Variants in LRP1 observed in about 807,000 individuals in gnomAD.
The protein encoded by LRP1 is prolow-density lipoprotein receptor-related protein 1.
LRP1 carries 51 observed loss-of-function variants against 541.5 expected under a neutral mutation model. That is an observed-to-expected ratio of 0.09 (90% CI 0.08 to 0.12). The LOEUF (loss-of-function observed/expected upper bound fraction) is 0.12, where lower values mean the gene tolerates loss of function less well. Ranked by LOEUF, LRP1 falls within the 10% of genes least tolerant of loss-of-function variation. LRP1 has a pLI of 1.00. For synonymous variants in LRP1, 2,219 were observed against 2,470.8 expected, an observed-to-expected ratio of 0.90 and a Z score of 3.02; for missense variants, 3,878 against 6,376.2, an observed-to-expected ratio of 0.61 and a Z score of 13.34.
chr12:57,175,985 C>G lies in LRP1; in HGVS notation c.3870C>G (p.Ser1290Arg). 1 of 1,614,250 alleles carries G rather than the reference C, an allele frequency of 6.2e-7. No homozygotes were observed. The highest frequency in any genetic ancestry group is 8.5e-7 in the Non-Finnish European group (1 of 1,180,050). ...RRIDLHKGDY[S>R]VLVPGLRNTI... The stretch of plus-strand genomic sequence containing the variant: ...TCGATCTTCACAAAGGAGACTACAG[C>G]GTCCTGGTGCCCGGCCTGCGCAACA... The change falls in exon 24 of 89, where the codon AGC (serine) becomes AGG (arginine). Residue 1290 changes from serine (S) to arginine (R), a missense_variant. Transcript: ENST00000243077.
chr12:57,201,797 G>C lies in LRP1; in HGVS notation c.10486G>C (p.Val3496Leu). Residue 3496 changes from valine (V) to leucine (L), a missense_variant, in exon 67 of 89, where the codon GTG becomes CTG. Val to Leu is a conservative substitution (Grantham distance 32). This residue lies in a region of LRP1 where 278 missense variants were observed against 536.3 expected (regional missense o/e 0.52). Coordinates refer to ENST00000243077, the MANE Select transcript of LRP1 (RefSeq NM_002332.3). The surrounding 1 kb of genome is among the most constrained non-coding windows in gnomAD (Gnocchi z 6.4). ...PANCTQMTCG[V>L]DEFRCKDSGR... is the part of the protein sequence containing the mutation. ...GCTTGCAGCCCAGATGACCTGTGGT[G>C]TGGACGAGTTCCGCTGCAAGGATTC... is the stretch of plus-strand genomic sequence containing the variant. 1 of 1,614,086 alleles carries C rather than the reference G, an allele frequency of 6.2e-7. No individual in the cohort carries two copies. The highest frequency in any genetic ancestry group is 8.5e-7 in the Non-Finnish European group (1 of 1,180,010).
chr12:57,154,118 CT>C lies in LRP1; in HGVS notation c.842-88del. 7.9e-7 allele frequency: 1 copy of C among 1,271,304 alleles called. No homozygotes were observed. Among genetic ancestry groups the C allele is most frequent in the Non-Finnish European group, 1.1e-6 (1 of 890,768 alleles). 78.8% of individuals were successfully genotyped at this position (1,271,304 alleles called of 1,614,324 possible). A position where few individuals can be genotyped will look rare whatever the true frequency, so the allele number is the denominator to read the frequency against. On this transcript the variant is annotated intron_variant, in intron 6 of 88. Coordinates refer to ENST00000243077, the MANE Select transcript of LRP1 (RefSeq NM_002332.3). This position sits in a 1 kb window ranked among gnomAD's most constrained non-coding sequence, Gnocchi z 4.6. The stretch of plus-strand genomic sequence containing the variant: ...TGGGAGGGCGTCCAGAGAAGGTGGG[CT>C]TCCAGGTGTGGGTTCTCACCAGCAA...
chr12:57,177,655 C>A lies in LRP1; in HGVS notation c.4361+64C>A. 1.3e-6 allele frequency: 2 copies of A among 1,567,380 alleles called. No individual in the cohort carries two copies. The highest frequency in any genetic ancestry group is 1.7e-6 in the Non-Finnish European group (2 of 1,147,814). Reference sequence around the variant, plus strand: ...GGCACCAGGACGGGGTGGGGAGGAACCTGTGGTGATGAGGGTGATGAGAAG... The same window carrying A: ...GGCACCAGGACGGGGTGGGGAGGAAACTGTGGTGATGAGGGTGATGAGAAG... On this transcript the variant is annotated intron_variant, in intron 26 of 88. Coordinates refer to ENST00000243077, the MANE Select transcript of LRP1 (RefSeq NM_002332.3). This position sits in a 1 kb window ranked among gnomAD's most constrained non-coding sequence, Gnocchi z 6.8.
chr12:57,131,015 A>C (rs2035027376), intron 1 of LRP1, among the ~76,000 whole-genome samples: 1 of 152,170 alleles, frequency 6.6e-6, no homozygotes, highest in Non-Finnish European at 1.5e-5. Context: ...AATTGCATAG[A>C]AATGTAAGTT....
chr12:57,207,916 T>C, intron 76 of LRP1, 122 bp from the exon 77 acceptor site: 1 of 1,131,612 alleles, frequency 8.8e-7, no homozygotes, highest in Non-Finnish European at 1.3e-6. Flanking sequence ...GTTGAATCTC[T>C]TTAAAGCCAG....
At chr12:57,200,172 C>A in intron 62 of LRP1, 147 bp downstream of exon 62, 1 of 686,340 alleles carries the variant, frequency 1.5e-6, no homozygotes, top group Non-Finnish European at 2.5e-6. Context: ...TACCTCTTGT[C>A]TCCCCACAGC....
At chr12:57,169,074 G>A (rs1565730200) in intron 19 of LRP1, 66 bp from the exon 20 acceptor site, 4 of 1,470,432 alleles carry the variant, frequency 2.7e-6, no homozygotes, top group Non-Finnish European at 2.8e-6. Context: ...GGCCCAAGCT[G>A]GGATCACAGA....
intron 15 of LRP1, 140 bp downstream of exon 15, chr12:57,163,123 G>A: frequency 1.6e-6 from 2 of 1,262,726 alleles, no homozygotes; most frequent in Non-Finnish European, 2.1e-6. Context: ...CAGGAAGCAA[G>A]GGAGGGGGAG....
Position 57,162,791 on chromosome 12 carries a change from CT to C in LRP1, c.2405-66del, listed in dbSNP as rs897570071. 15 of 1,514,744 alleles carry C rather than the reference CT, an allele frequency of 9.9e-6. No homozygotes were observed. Among genetic ancestry groups the C allele is most frequent in the Middle Eastern group, 1.7e-4 (1 of 5,880 alleles). 93.8% of individuals were successfully genotyped at this position (1,514,744 alleles called of 1,614,324 possible). On this transcript the variant is annotated intron_variant, in intron 14 of 88. Transcript: ENST00000243077. This position sits in a 1 kb window ranked among gnomAD's most constrained non-coding sequence, Gnocchi z 5.2. The stretch of plus-strand genomic sequence containing the variant: ...CCCACATCTTAATGTGTCTCCTCCC[CT>C]ATCCCTTCTCTGACCTCTCCTCACC...
chr12:57,185,482 G>T lies in LRP1; in HGVS notation c.6464-49G>T. ...AAGCCTGGATGACAAAGGCACCAGT[G>T]AGCCTTTCCCAAGGCAGGCCCTGCC... On this transcript the variant is annotated intron_variant, in intron 40 of 88. Coordinates refer to ENST00000243077, the MANE Select transcript of LRP1 (RefSeq NM_002332.3). The surrounding 1 kb of genome is among the most constrained non-coding windows in gnomAD (Gnocchi z 4.9). 6.6e-7 allele frequency: 1 copy of T among 1,522,306 alleles called. No individual in the cohort carries two copies. Among genetic ancestry groups the T allele is most frequent in the Non-Finnish European group, 8.8e-7 (1 of 1,138,612 alleles). 94.3% of individuals were successfully genotyped at this position (1,522,306 alleles called of 1,614,324 possible).
Position 57,138,570 on chromosome 12 carries a change from C to A in LRP1, c.179C>A (p.Ala60Asp). ...GACTGCCCAGACGGATCTGACGAGG[C>A]CCCTGAGATTTGTAAGTACCTTTTC... is the stretch of plus-strand genomic sequence containing the variant. ...ERDCPDGSDE[A>D]PEICPQSKAQ... Residue 60 changes from alanine (A) to aspartate (D), a missense_variant, in exon 2 of 89, where the codon GCC becomes GAC. Transcript: ENST00000243077. 6.2e-7 allele frequency: 1 copy of A among 1,613,962 alleles called. No individual in the cohort carries two copies.
At chr12:57,194,548 A>C in intron 49 of LRP1, 29 bp from the exon 50 acceptor site, 1 of 1,612,486 alleles carries the variant, frequency 6.2e-7, no homozygotes, top group Non-Finnish European at 8.5e-7. Context: ...TGCGGTGAGC[A>C]GGGCCCTCAC....
Position 57,158,500 on chromosome 12 carries a change from C to A in LRP1, c.1660C>A (p.Pro554Thr). ...CAAGGTCCCGGATGAGCACATGATC[C>A]CCATTGAAAACCTCATGAACCCCCG... ...GAKVPDEHMI[P>T]IENLMNPRAL... Residue 554 changes from proline (P) to threonine (T), a missense_variant, in exon 11 of 89, where the codon CCC (proline) becomes ACC (threonine). Physicochemically the swap from Pro to Thr is conservative, Grantham distance 38. Around this residue, in one of 13 missense-constraint regions of LRP1, gnomAD observed 496 missense variants for 861.0 expected, o/e 0.58. Transcript: ENST00000243077. This position sits in a 1 kb window ranked among gnomAD's most constrained non-coding sequence, Gnocchi z 5.3. 6.2e-7 allele frequency: 1 copy of A among 1,614,182 alleles called. No homozygotes were observed. Among genetic ancestry groups the A allele is most frequent in the Non-Finnish European group, 8.5e-7 (1 of 1,179,998 alleles).
In LRP1 at chr12:57,206,268, G is replaced by C. The variant is rs2036776977; in HGVS notation, c.11591-205G>C. On this transcript the variant is annotated intron_variant, in intron 75 of 88. Coordinates refer to ENST00000243077, the MANE Select transcript of LRP1 (RefSeq NM_002332.3). This position sits in a 1 kb window ranked among gnomAD's most constrained non-coding sequence, Gnocchi z 4.7. ...TTCTGACTGAAAGGAGCGGGTCACA[G>C]TGGATCAGCTCAGGGGAGGAGAGGA... Among the ~76,000 whole-genome samples, 1 of 152,256 alleles carries C rather than the reference G, an allele frequency of 6.6e-6. No individual in the cohort carries two copies. Among genetic ancestry groups the C allele is most frequent in the Admixed American group, 6.5e-5 (1 of 15,292 alleles).
At chr12:57,187,539 G>A in intron 42 of LRP1, 83 bp downstream of exon 42, 2 of 1,400,296 alleles carry the variant, frequency 1.4e-6, no homozygotes, top group East Asian at 4.8e-5. Context: ...TCCAAGCGGG[G>A]GTGCAGGAGA....
Position 57,211,820 on chromosome 12 carries a change from T to C in LRP1, c.13258+6T>C, listed in dbSNP as rs748878410. 3 of 1,612,510 alleles carry C rather than the reference T, an allele frequency of 1.9e-6. No homozygotes were observed. Among genetic ancestry groups the C allele is most frequent in the African/African-American group, 2.7e-5 (2 of 74,876 alleles). ...CAGCCAGCAGCAGCCAGGACGTAGG[T>C]GGCAGGGGTTGGGGCAGGCAGGGCC... is the stretch of plus-strand genomic sequence containing the variant. On this transcript the variant is annotated splice_donor_region_variant and intron_variant, in intron 86 of 88. Transcript: ENST00000243077. The surrounding 1 kb of genome is among the most constrained non-coding windows in gnomAD (Gnocchi z 4.3).
chr12:57,201,296 C>T lies in LRP1; in HGVS notation c.10345+143C>T. On this transcript the variant is annotated intron_variant, in intron 65 of 88. Coordinates refer to ENST00000243077, the MANE Select transcript of LRP1 (RefSeq NM_002332.3). The surrounding 1 kb of genome is among the most constrained non-coding windows in gnomAD (Gnocchi z 6.4). ...ATTATATTGGGTGTAACTTGCTTTGCTCATAAAAATCATCATGCATGATAT... is the reference window on the plus strand; with the variant it reads ...ATTATATTGGGTGTAACTTGCTTTGTTCATAAAAATCATCATGCATGATAT... The T allele has an allele frequency of 7.1e-7, 1 of 1,409,152 alleles. No individual in the cohort carries two copies. Among genetic ancestry groups the T allele is most frequent in the Non-Finnish European group, 9.7e-7 (1 of 1,032,872 alleles). 87.3% of individuals were successfully genotyped at this position (1,409,152 alleles called of 1,614,324 possible). A position where few individuals can be genotyped will look rare whatever the true frequency, so the allele number is the denominator to read the frequency against.
intron 1 of LRP1, among the ~76,000 whole-genome samples, chr12:57,130,820 C>G (rs1044760635): frequency 6.6e-6 from 1 of 152,122 alleles, no homozygotes; most frequent in Non-Finnish European, 1.5e-5. Context: ...TTCTCCTTAA[C>G]TATCTCCCTA....
chr12:57,153,762 T>G (rs898123623), intron 6 of LRP1, among the ~76,000 whole-genome samples: 1 of 152,156 alleles, frequency 6.6e-6, no homozygotes, highest in Non-Finnish European at 1.5e-5. Flanking sequence ...CTTTAAAAAT[T>G]TATGCCATAT....
Sources: allele counts gnomAD v4.1 joint callset (sites outside exome capture counted in the v4.1 genomes callset), GRCh38; gene constraint gnomAD v4.1.1; regional missense constraint gnomAD v4.1.1; non-coding constraint Gnocchi (gnomAD v3.1); transcripts MANE v1.5; gene names NCBI Gene and HGNC (gene_info 2026-07-23, HGNC 2026-07-21).